Variants in STK32B observed in about 807,000 individuals in gnomAD.
The protein encoded by STK32B is serine/threonine-protein kinase 32B.
A neutral mutation model predicts 52.6 loss-of-function variants in STK32B; 43 were observed. The ratio of observed to expected loss-of-function variants is 0.82; its 90% CI spans 0.64 to 1.05. STK32B has a LOEUF of 1.05. Among genes scored for constraint, STK32B ranks in the 50% least tolerant of loss-of-function variants. The pLI, the probability that STK32B is intolerant of heterozygous loss-of-function variation, is 0.00. For synonymous variants in STK32B, 238 were observed against 204.3 expected, an observed-to-expected ratio of 1.17 and a Z score of -1.41; for missense variants, 621 against 534.6, an observed-to-expected ratio of 1.16 and a Z score of -1.59.
chr4:5,473,478 C>A (rs115291150), intron 11 of STK32B, among the ~76,000 whole-genome samples: 2 of 152,186 alleles, frequency 1.3e-5, no homozygotes, highest in African/African-American at 4.8e-5. Context: ...TATTCCCCCC[C>A]ATTTCACAGG....
At chr4:5,464,407 G>A (rs58854245) in intron 9 of STK32B, among the ~76,000 whole-genome samples, 54,863 of 152,092 alleles carry the variant, frequency 0.36, 10,766 homozygotes, top group Non-Finnish European at 0.43. Context: ...CCCTCTGCAC[G>A]AGTGCCTAGG....
chr4:5,253,636 A>C (rs150688785), intron 3 of STK32B, among the ~76,000 whole-genome samples: 1 of 152,120 alleles, frequency 6.6e-6, no homozygotes, highest in East Asian at 1.9e-4. Flanking sequence ...TCGGCCTCCA[A>C]AGTGCTGGGA....
At chr4:5,192,156 G>A (rs952256024) in intron 3 of STK32B, among the ~76,000 whole-genome samples, 1 of 152,244 alleles carries the variant, frequency 6.6e-6, no homozygotes, top group Non-Finnish European at 1.5e-5. Flanking sequence ...GACAGGATCA[G>A]TTGAAGGATC....
At chr4:5,447,483 A>G (rs914747314) in intron 7 of STK32B, among the ~76,000 whole-genome samples, 59 of 152,162 alleles carry the variant, frequency 3.9e-4, no homozygotes, top group African/African-American at 1.3e-3. Context: ...ATAATTTAAA[A>G]AAAATAGCTG....
intron 1 of STK32B, among the ~76,000 whole-genome samples, chr4:5,103,631 G>A (rs927242331): frequency 2.6e-5 from 4 of 152,074 alleles, no homozygotes; most frequent in African/African-American, 9.7e-5. Flanking sequence ...CTAAATACAC[G>A]CTGAGAAACG....
chr4:5,244,312 T>C (rs1199027624), intron 3 of STK32B, among the ~76,000 whole-genome samples: 1 of 152,190 alleles, frequency 6.6e-6, no homozygotes, highest in African/African-American at 2.4e-5. Context: ...TGGGAGGGTG[T>C]ATGTGTTGAG....
At chr4:5,429,664 T>G (rs1031127398) in intron 6 of STK32B, among the ~76,000 whole-genome samples, 1 of 152,160 alleles carries the variant, frequency 6.6e-6, no homozygotes, top group African/African-American at 2.4e-5. Context: ...TATTTTCATA[T>G]TCTTTCTTTG....
intron 2 of STK32B, among the ~76,000 whole-genome samples, chr4:5,154,103 A>G (rs778584623): frequency 6.6e-6 from 1 of 152,200 alleles, no homozygotes; most frequent in Non-Finnish European, 1.5e-5. Flanking sequence ...TGAACCTACA[A>G]TGATTGAGAC....
At chr4:5,335,085 C>A (rs372422708) in intron 4 of STK32B, among the ~76,000 whole-genome samples, 1 of 151,854 alleles carries the variant, frequency 6.6e-6, no homozygotes, top group African/African-American at 2.4e-5. Context: ...TGGTAGAATT[C>A]GGCTGTGAAT....
At chr4:5,041,060 T>C in the STK32B span, among the ~76,000 whole-genome samples, 1 of 152,286 alleles carries the variant, frequency 6.6e-6, no homozygotes, top group Admixed American at 6.5e-5. Flanking sequence ...TAGTAAGTCA[T>C]TGTTATCACT....
intron 4 of STK32B, among the ~76,000 whole-genome samples, chr4:5,392,966 G>T (rs568663303): frequency 6.9e-4 from 105 of 152,342 alleles, no homozygotes; most frequent in African/African-American, 2.4e-3. Flanking sequence ...AAGGGAGAAA[G>T]AAGTAATGTT....
At chr4:5,132,455 A>T (rs139550591) in intron 1 of STK32B, among the ~76,000 whole-genome samples, 299 of 152,316 alleles carry the variant, frequency 2.0e-3, no homozygotes, top group African/African-American at 6.7e-3. Flanking sequence ...CTAAGTAACA[A>T]ACCTGAACTT....
chr4:5,117,662 A>G (rs16835077), intron 1 of STK32B, among the ~76,000 whole-genome samples: 9,824 of 152,004 alleles, frequency 0.065, 1,030 homozygotes, highest in African/African-American at 0.22. Flanking sequence ...ACCTCTTGTC[A>G]TGTTTGCTCC....
intron 3 of STK32B, among the ~76,000 whole-genome samples, chr4:5,209,608 C>T (rs1722786163): frequency 6.6e-6 from 1 of 152,146 alleles, no homozygotes. Context: ...AAGAGAGTAA[C>T]TCCATGAAAT....
the STK32B span, among the ~76,000 whole-genome samples, chr4:5,035,652 G>A: frequency 2.4e-4 from 36 of 152,294 alleles, no homozygotes; most frequent in East Asian, 6.0e-3. Flanking sequence ...TGGAGGCTGG[G>A]CGATGGACTT....
intron 2 of STK32B, among the ~76,000 whole-genome samples, chr4:5,154,278 C>T (rs1018808092): frequency 2.0e-5 from 3 of 148,092 alleles, no homozygotes; most frequent in Non-Finnish European, 4.4e-5. Context: ...TGCAATGGCA[C>T]GATCTTGGCT....
intron 3 of STK32B, among the ~76,000 whole-genome samples, chr4:5,211,346 G>A (rs1281042476): frequency 6.6e-6 from 1 of 152,168 alleles, no homozygotes; most frequent in East Asian, 1.9e-4. Flanking sequence ...TGTAATTCTG[G>A]GAGAGAGAAA....
rs376904383 is a variant in STK32B at position 5,427,681 on chromosome 4, G to A, written c.562+10747G>A. Among the ~76,000 whole-genome samples, 74 of 152,158 alleles carry A rather than the reference G, an allele frequency of 4.9e-4. 4 individuals are homozygous for A. The South Asian group carries it at 0.011, about 24-fold the overall frequency. ...AGTTCATCTAACTTTTCAAATGTTA[G>A]GGCATACAGTTATGTGTAATATCCC... is the stretch of plus-strand genomic sequence containing the variant. On this transcript the variant is annotated intron_variant, in intron 6 of 11. Transcript: ENST00000282908.
In STK32B at chr4:5,159,533, G is replaced by GAATA. The variant is rs1482366061; in HGVS notation, c.109-8766_109-8765insAATA. On this transcript the variant is annotated intron_variant, in intron 2 of 11. Coordinates refer to ENST00000282908, the MANE Select transcript of STK32B (RefSeq NM_018401.3). The stretch of plus-strand genomic sequence containing the variant: ...ATATATATGAATATATGATATATAT[G>GAATA]TATATATGTATATATATGAATATAT... Among the ~76,000 whole-genome samples the GAATA allele has an allele frequency of 6.3e-5, 7 of 111,348 alleles. No individual in the cohort carries two copies. The South Asian group carries it at 1.1e-3, about 17-fold the overall frequency. The allele number at this position is 111,348 out of a possible 152,430, so 73.0% of individuals were successfully genotyped here.
Sources: allele counts gnomAD v4.1 joint callset (sites outside exome capture counted in the v4.1 genomes callset), GRCh38; gene constraint gnomAD v4.1.1; transcripts MANE v1.5; gene names NCBI Gene and HGNC (gene_info 2026-07-23, HGNC 2026-07-21).